ACOT7: variants seen among roughly 807,000 people sequenced by gnomAD.
The protein encoded by ACOT7 is acyl-CoA thioesterase 7.
A neutral mutation model predicts 40.2 loss-of-function variants in ACOT7; 12 were observed. The ratio of observed to expected loss-of-function variants is 0.30; its 90% CI spans 0.19 to 0.48. The LOEUF (loss-of-function observed/expected upper bound fraction) is 0.48, where lower values mean the gene tolerates loss of function less well. Among genes scored for constraint, ACOT7 ranks in the 20% least tolerant of loss-of-function variants. The probability of loss-of-function intolerance (pLI) is 0.99; values close to 1 mark genes in which losing one functional copy is unlikely to be tolerated. For missense variants in ACOT7, 395 were observed against 530.8 expected, an observed-to-expected ratio of 0.74 and a Z score of 2.51; for synonymous variants, 228 against 219.5, an observed-to-expected ratio of 1.04 and a Z score of -0.34.
intron 4 of ACOT7, among the ~76,000 whole-genome samples, chr1:6,333,076 G>A (rs912159525): frequency 2.6e-5 from 4 of 152,200 alleles, no homozygotes; most frequent in African/African-American, 7.2e-5. Flanking sequence ...CCTGGCTCCC[G>A]AAAGGACATG....
At position 6,333,501 on chromosome 1, in the gene ACOT7, C is replaced by G. The variant is rs368031349; in HGVS notation, c.486G>C (p.Lys162Asn). The change falls in exon 4 of 9, where the codon AAG becomes AAC. Residue 162 changes from lysine to asparagine, a missense_variant. Physicochemically the swap from Lys to Asn is moderately conservative, Grantham distance 94 (BLOSUM62 0). Around this residue, in one of 2 missense-constraint regions of ACOT7, gnomAD observed 309 missense variants for 470.3 expected, o/e 0.66. Transcript: ENST00000361521. ...CCACAACAGGAGGCACCTCGAGGAC[C>G]TTGTCCACATTCTTCAGCGACAGGG... ...YVPLSLKNVDKVLEVPPVVYS... is the reference protein window; with the variant it reads ...YVPLSLKNVDNVLEVPPVVYS... The G allele has an allele frequency of 5.6e-6, 9 of 1,614,100 alleles. No individual in the cohort carries two copies. The African/African-American group carries it at 1.2e-4, about 22-fold the overall frequency.
At chr1:6,357,039 A>T (rs564651223) in intron 1 of ACOT7, among the ~76,000 whole-genome samples, 3 of 152,026 alleles carry the variant, frequency 2.0e-5, no homozygotes, top group Non-Finnish European at 4.4e-5. Context: ...GGAGTTTGAG[A>T]CCAACCTGAC....
chr1:6,356,703 G>C (rs60236289), intron 1 of ACOT7, among the ~76,000 whole-genome samples: 9,583 of 151,990 alleles, frequency 0.063, 773 homozygotes, highest in African/African-American at 0.19. Context: ...CGGATCATGA[G>C]GTCAGGAGTT....
chr1:6,382,984 T>C (rs1197322091), intron 1 of ACOT7, among the ~76,000 whole-genome samples: 1 of 151,558 alleles, frequency 6.6e-6, no homozygotes, highest in East Asian at 1.9e-4. Flanking sequence ...GTTCAAGTGA[T>C]TCTCCTGCCT....
At chr1:6,317,390 A>G (rs989295027) in intron 6 of ACOT7, among the ~76,000 whole-genome samples, 4 of 152,252 alleles carry the variant, frequency 2.6e-5, no homozygotes, top group Non-Finnish European at 4.4e-5. Context: ...CCATCTGTGA[A>G]CCTAGAGCTA....
chr1:6,356,965 G>A (rs559225002), intron 1 of ACOT7, among the ~76,000 whole-genome samples: 5 of 150,420 alleles, frequency 3.3e-5, no homozygotes, highest in African/African-American at 1.2e-4. Context: ...GTGGCTGGAC[G>A]CAGTGGCTCA....
intron 1 of ACOT7, among the ~76,000 whole-genome samples, chr1:6,357,093 C>T (rs1641766436): frequency 6.6e-6 from 1 of 150,592 alleles, no homozygotes; most frequent in Non-Finnish European, 1.5e-5. Flanking sequence ...CAAAATTAGC[C>T]AACCATGGTG....
intron 1 of ACOT7, among the ~76,000 whole-genome samples, chr1:6,389,799 A>G (rs1156732445): frequency 6.6e-6 from 1 of 151,804 alleles, no homozygotes; most frequent in African/African-American, 2.4e-5. Flanking sequence ...AAGAAAGAAA[A>G]AAAAGCCCCT....
Position 6,306,570 on chromosome 1 carries a change from T to C in ACOT7, c.713-11590A>G. ...CAGAACAGAAGAACCTGGAGAACGATGTTTTCAAACACCAAGATCCTAGAA... is the reference window on the plus strand; with the variant it reads ...CAGAACAGAAGAACCTGGAGAACGACGTTTTCAAACACCAAGATCCTAGAA... On this transcript the variant is annotated intron_variant, in intron 6 of 8. Transcript: ENST00000361521. This position sits in a 1 kb window ranked among gnomAD's most constrained non-coding sequence, Gnocchi z 4.3. The C allele has an allele frequency of 1.0e-6, 1 of 985,410 alleles. No homozygotes were observed. Among genetic ancestry groups the C allele is most frequent in the Non-Finnish European group, 1.2e-6 (1 of 829,930 alleles). 61.0% of individuals were successfully genotyped at this position (985,410 alleles called of 1,614,324 possible).
chr1:6,371,899 G>A (rs1642140007), intron 1 of ACOT7, among the ~76,000 whole-genome samples: 1 of 151,944 alleles, frequency 6.6e-6, no homozygotes, highest in African/African-American at 2.4e-5. Context: ...AAAAAAATTA[G>A]CCAGGTGTGG....
rs3838286 is a variant in ACOT7 at position 6,299,665 on chromosome 1, AGTGTGTGTGTGTGT to A, written c.713-4699_713-4686del. Among the ~76,000 whole-genome samples the A allele has an allele frequency of 1.1e-4, 16 of 148,546 alleles. No individual in the cohort carries two copies. The highest frequency in any genetic ancestry group is 4.0e-4 in the African/African-American group (16 of 40,344). On this transcript the variant is annotated intron_variant, in intron 6 of 8. Coordinates refer to ENST00000361521, the MANE Select transcript of ACOT7 (RefSeq NM_007274.4). The surrounding 1 kb of genome is among the most constrained non-coding windows in gnomAD (Gnocchi z 4.1). ...CAGAGAGAGAGAGAGAGAGAGCGCA[AGTGTGTGTGTGTGT>A]GTGTGTGTGTGTAGGGCACGTGTGT...
intron 8 of ACOT7, among the ~76,000 whole-genome samples, chr1:6,272,006 C>T (rs1399333612): frequency 6.6e-6 from 1 of 152,282 alleles, no homozygotes; most frequent in Non-Finnish European, 1.5e-5. Context: ...GCTCACAGCT[C>T]TTGTGCCGGA....
chr1:6,387,073 C>A (rs1642451150), intron 1 of ACOT7, among the ~76,000 whole-genome samples: 1 of 152,116 alleles, frequency 6.6e-6, no homozygotes, highest in African/African-American at 2.4e-5. Context: ...GCTACGGGGA[C>A]ACAGGAGCGA....
rs1225109702 is a variant in ACOT7 at position 6,352,614 on chromosome 1, C to T, written c.144-2748G>A. ...CATTTCTTTTTTTTTTTTTTTGAGA[C>T]GGCGTCTCGCTCTGTCTCCCAGGCT... is the stretch of plus-strand genomic sequence containing the variant. On this transcript the variant is annotated intron_variant, in intron 1 of 8. Coordinates refer to ENST00000361521, the MANE Select transcript of ACOT7 (RefSeq NM_007274.4). The surrounding 1 kb of genome is among the most constrained non-coding windows in gnomAD (Gnocchi z 4.5). Among the ~76,000 whole-genome samples, 3 of 149,204 alleles carry T rather than the reference C, an allele frequency of 2.0e-5. No individual in the cohort carries two copies. The highest frequency in any genetic ancestry group is 3.9e-4 in the East Asian group (2 of 5,098).
At chr1:6,325,625 G>A (rs927858964) in intron 5 of ACOT7, among the ~76,000 whole-genome samples, 1 of 152,144 alleles carries the variant, frequency 6.6e-6, no homozygotes, top group Non-Finnish European at 1.5e-5. Flanking sequence ...GGCAAGTTGA[G>A]GCTGGAGCAC....
intron 2 of ACOT7, among the ~76,000 whole-genome samples, chr1:6,345,529 A>T (rs1440061616): frequency 1.3e-5 from 2 of 152,022 alleles, no homozygotes; most frequent in African/African-American, 4.8e-5. Flanking sequence ...AACGAATGGG[A>T]AGAACTCGGT....
At chr1:6,391,638 T>A (rs1398013625) in intron 1 of ACOT7, among the ~76,000 whole-genome samples, 1 of 152,188 alleles carries the variant, frequency 6.6e-6, no homozygotes, top group African/African-American at 2.4e-5. Flanking sequence ...AAGGTTTCCT[T>A]TATTCAGGAG....
Position 6,281,224 on chromosome 1 carries a change from C to A in ACOT7, c.892G>T (p.Val298Leu), listed in dbSNP as rs754831608. Residue 298 changes from valine (V) to leucine (L), a missense_variant, in exon 8 of 9, where the codon GTG becomes TTG. Coordinates refer to ENST00000361521, the MANE Select transcript of ACOT7 (RefSeq NM_007274.4). ...FTSNKSMEIE[V>L]LVDADPVVDS... ...ACAACAGGGTCGGCGTCCACCAACA[C>A]CTCGATCTCCATGGACTTATTGCTC... 3 of 1,614,000 alleles carry A rather than the reference C, an allele frequency of 1.9e-6. No homozygotes were observed. Among genetic ancestry groups the A allele is most frequent in the South Asian group, 2.2e-5 (2 of 91,076 alleles).
chr1:6,319,138 G>C (rs1024069984), intron 5 of ACOT7, among the ~76,000 whole-genome samples: 3 of 152,180 alleles, frequency 2.0e-5, no homozygotes, highest in African/African-American at 7.2e-5. Flanking sequence ...ATCTTTAAGA[G>C]GCCGCACTTA....
Sources: allele counts gnomAD v4.1 joint callset (sites outside exome capture counted in the v4.1 genomes callset), GRCh38; gene constraint gnomAD v4.1.1; regional missense constraint gnomAD v4.1.1; non-coding constraint Gnocchi (gnomAD v3.1); transcripts MANE v1.5; gene names NCBI Gene and HGNC (gene_info 2026-07-23, HGNC 2026-07-21).